Variants in TMEM230 observed in about 807,000 individuals in gnomAD.
TMEM230 encodes the protein UPF0414 transmembrane protein C20orf30.
Under a neutral mutation model 15.8 loss-of-function variants are expected in TMEM230, and 10 were observed. The observed-to-expected ratio is 0.63, with a 90% CI of 0.39 to 1.07. TMEM230 has a LOEUF of 1.07. TMEM230 is among the 50% of genes least tolerant of loss of function. The pLI is 0.01. For missense variants in TMEM230, 165 were observed against 193.3 expected (o/e 0.85, Z 0.87); for synonymous variants, 67 against 76.9 (o/e 0.87, Z 0.68).
chr20:5,064,218 G>T (rs1015140236), downstream of TMEM230, among the ~76,000 whole-genome samples: 12 of 152,014 alleles, frequency 7.9e-5, 1 homozygote, highest in African/African-American at 2.9e-4. Context: ...AGTGTGCTGA[G>T]ATTGCACCAC....
In TMEM230 at chr20:5,069,288, C is replaced by A. The variant is rs186368464; in HGVS notation, c.284G>T (p.Arg95Leu). Residue 95 changes from arginine (R) to leucine (L), a missense_variant, in exon 4 of 4, where the codon CGT (arginine) becomes CTT (leucine). Arg to Leu is a moderately radical substitution (Grantham distance 102, BLOSUM62 -2). Transcript: ENST00000612323. The stretch of plus-strand genomic sequence containing the variant: ...ACTGATGCCTCCCATCATGTACCCA[C>A]GGGATGCTGGTAGATGTTTGTGGTC... 2.6e-6 allele frequency: 4 copies of A among 1,536,016 alleles called. No homozygotes were observed. The East Asian group carries it at 7.3e-5, about 28-fold the overall frequency.
At chr20:5,106,344 A>G in intron 3 of TMEM230, 34 bp from the exon 3 acceptor site, 1 of 1,573,884 alleles carries the variant, frequency 6.4e-7, no homozygotes, top group Non-Finnish European at 8.6e-7. Flanking sequence ...AAGACAACGA[A>G]GAACATTAAT....
In TMEM230 at chr20:5,086,986, G is replaced by A. The variant is rs138878640; in HGVS notation, c.223-17637C>T. On this transcript the variant is annotated intron_variant, in intron 3 of 3. Transcript: ENST00000612323. ...CCTCCCAGGCTCAAGCAATCATCCC[G>A]CCTCAGCCTTCCAAGTCGCTGGGAC... 1.9e-3 allele frequency among the ~76,000 whole-genome samples: 294 copies of A among 152,168 alleles called. 1 individual carries two copies. Among genetic ancestry groups the A allele is most frequent in the Middle Eastern group, 0.014 (4 of 294 alleles).
chr20:5,094,457 C>T (rs1172207084), intron 3 of TMEM230, among the ~76,000 whole-genome samples: 1 of 151,342 alleles, frequency 6.6e-6, no homozygotes, highest in East Asian at 2.0e-4. Context: ...GCCTGTAATC[C>T]CAGTACTTTG....
chr20:5,078,648 C>T (rs918946342), intron 3 of TMEM230, among the ~76,000 whole-genome samples: 6 of 148,806 alleles, frequency 4.0e-5, no homozygotes, highest in East Asian at 1.9e-4. Context: ...GTGAAACTGG[C>T]GGTTAGAGCC....
downstream of TMEM230, among the ~76,000 whole-genome samples, chr20:5,064,177 G>C (rs1028739353): frequency 3.3e-5 from 5 of 152,146 alleles, no homozygotes; most frequent in Admixed American, 2.6e-4. Flanking sequence ...TGAGGCAGGA[G>C]AATCACTTGA....
At chr20:5,070,280 G>A (rs1013293636) in intron 3 of TMEM230, among the ~76,000 whole-genome samples, 3 of 152,108 alleles carry the variant, frequency 2.0e-5, no homozygotes, top group Non-Finnish European at 2.9e-5. Context: ...ACATAAATGA[G>A]CCATCTTGTA....
chr20:5,112,598 T>C (rs1360626969), intron 1 of TMEM230: 2 of 913,108 alleles, frequency 2.2e-6, no homozygotes, highest in Non-Finnish European at 2.9e-6. Flanking sequence ...AGTATCAGTC[T>C]TCGTTGCCAA....
At chr20:5,065,328 C>G (rs1039964520), downstream of TMEM230, among the ~76,000 whole-genome samples, 8 of 152,118 alleles carry the variant, frequency 5.3e-5, no homozygotes, top group Admixed American at 3.3e-4. Context: ...AAGGAAGGGA[C>G]ACCAGAGGCT....
intron 3 of TMEM230, among the ~76,000 whole-genome samples, chr20:5,107,248 C>T (rs989826431): frequency 7.9e-5 from 12 of 152,146 alleles, no homozygotes; most frequent in African/African-American, 2.9e-4. Context: ...AGGCAGCGAG[C>T]TGAGATTGCA....
downstream of TMEM230, among the ~76,000 whole-genome samples, chr20:5,095,449 T>C (rs1215364558): frequency 6.6e-6 from 1 of 152,230 alleles, no homozygotes; most frequent in Non-Finnish European, 1.5e-5. Context: ...GATTTCTCAC[T>C]GATCACAAAA....
At chr20:5,102,823 A>G (rs1169043352) in intron 4 of TMEM230, among the ~76,000 whole-genome samples, 1 of 152,200 alleles carries the variant, frequency 6.6e-6, no homozygotes, top group East Asian at 1.9e-4. Context: ...CACATCGAAA[A>G]AACAAAAATA....
downstream of TMEM230, among the ~76,000 whole-genome samples, chr20:5,064,261 C>T (rs1405506805): frequency 6.6e-6 from 1 of 151,200 alleles, no homozygotes; most frequent in African/African-American, 2.4e-5. Context: ...AACAAGACTC[C>T]ATCTCAAAAA....
At position 5,106,760 on chromosome 20, in the gene TMEM230, C is replaced by T. The variant is rs547172337; in HGVS notation, c.289-450G>A. ...TTGCTCTATCACCCAGGCTGGAGTG[C>T]AGTGGTGCAATTACAGCTCATTGCA... On this transcript the variant is annotated intron_variant, in intron 3 of 4. Transcript: ENST00000342308. Among the ~76,000 whole-genome samples, 27 of 152,234 alleles carry T rather than the reference C, an allele frequency of 1.8e-4. No individual in the cohort carries two copies. The South Asian group carries it at 5.6e-3, about 32-fold the overall frequency.
intron 4 of TMEM230, among the ~76,000 whole-genome samples, chr20:5,103,004 G>A (rs1051761380): frequency 3.9e-5 from 6 of 152,214 alleles, no homozygotes; most frequent in South Asian, 2.1e-4. Flanking sequence ...TGATAAAATC[G>A]TATCAGCAGA....
intron 2 of TMEM230, among the ~76,000 whole-genome samples, chr20:5,110,719 A>G (rs2090278135): frequency 6.6e-6 from 1 of 152,220 alleles, no homozygotes; most frequent in Admixed American, 6.5e-5. Flanking sequence ...AATATGGTAT[A>G]ATATCTTACA....
rs377500339 is a variant in TMEM230, at chr20:5,082,327, G to A, written c.223-12978C>T. Among the ~76,000 whole-genome samples the A allele has an allele frequency of 3.1e-3, 461 of 150,082 alleles. 2 individuals carry two copies. Among genetic ancestry groups the A allele is most frequent in the African/African-American group, 0.01 (410 of 40,740 alleles). On this transcript the variant is annotated intron_variant, in intron 3 of 3. Transcript: ENST00000612323. ...ATAATCCCGGCTCACTGCAACCTCT[G>A]CCTCCCAGGCTCAGGTGATCCTCCT...
intron 4 of TMEM230, among the ~76,000 whole-genome samples, chr20:5,102,574 C>T (rs982108302): frequency 6.6e-6 from 1 of 151,566 alleles, no homozygotes; most frequent in Non-Finnish European, 1.5e-5. Context: ...GCCTGTGGTC[C>T]CAGTTGCTAG....
intron 4 of TMEM230, among the ~76,000 whole-genome samples, chr20:5,104,879 A>G (rs2090008204): frequency 6.6e-6 from 1 of 152,232 alleles, no homozygotes; most frequent in African/African-American, 2.4e-5. Context: ...TGGGAAAGGT[A>G]GGGGGGAATG....
Sources: gnomAD v4.1 joint callset for allele counts (sites outside exome capture counted in the v4.1 genomes callset) on GRCh38, gnomAD v4.1.1 for gene constraint, MANE v1.5 for transcripts, NCBI Gene and HGNC (gene_info 2026-07-23, HGNC 2026-07-21) for gene names.